The following PCDH15 variants were observed in gnomAD, a reference collection of about 807,000 sequenced individuals.
PCDH15 encodes the protein protocadherin-15.
In PCDH15, 129 loss-of-function variants were observed where a neutral mutation model predicts 178.5. The ratio of observed to expected loss-of-function variants is 0.72; its 90% CI spans 0.63 to 0.84. The LOEUF (loss-of-function observed/expected upper bound fraction) is 0.84. PCDH15 is among the 40% of genes least tolerant of loss of function. The pLI is 0.00. For synonymous variants in PCDH15, 800 were observed against 732.0 expected (o/e 1.09, Z -1.50); for missense variants, 2,230 against 2,099.9 (o/e 1.06, Z -1.21).
At chr10:54,979,030 T>C (rs1222377790) in intron 2 of PCDH15, among the ~76,000 whole-genome samples, 1 of 152,184 alleles carries the variant, frequency 6.6e-6, no homozygotes, top group African/African-American at 2.4e-5. Flanking sequence ...AATCTTGTGA[T>C]GTAAATATTA....
At chr10:53,820,325 T>C (rs1159082011) in intron 32 of PCDH15, 95 bp from the exon 33 acceptor site, 1 of 394,678 alleles carries the variant, frequency 2.5e-6, no homozygotes, top group Admixed American at 4.4e-5. Flanking sequence ...TTGAAGCAGA[T>C]GGGCTAATAA....
At chr10:54,764,990 C>A (rs2133192376) in intron 1 of PCDH15, among the ~76,000 whole-genome samples, 1 of 152,068 alleles carries the variant, frequency 6.6e-6, no homozygotes, top group East Asian at 1.9e-4. Flanking sequence ...AGAAAATAAG[C>A]ATAAACTCAA....
At chr10:54,045,375 A>C (rs2135554982) in intron 18 of PCDH15, among the ~76,000 whole-genome samples, 1 of 152,252 alleles carries the variant, frequency 6.6e-6, no homozygotes, top group Non-Finnish European at 1.5e-5. Context: ...GTCAGTAGAA[A>C]TTATTGGCTC....
intron 2 of PCDH15, among the ~76,000 whole-genome samples, chr10:55,069,275 A>G (rs1484835465): frequency 7.9e-6 from 1 of 127,218 alleles, no homozygotes; most frequent in Non-Finnish European, 1.8e-5. Flanking sequence ...TCATGTTTAA[A>G]ATAACAATTT....
intron 2 of PCDH15, chr10:54,655,809 C>G (rs1327695607): frequency 6.6e-6 from 1 of 152,048 alleles, no homozygotes; most frequent in Non-Finnish European, 1.5e-5. Flanking sequence ...AACATGAAGA[C>G]AAGAAATGCT....
chr10:55,580,062 G>A (rs945868588), intron 2 of PCDH15, among the ~76,000 whole-genome samples: 1 of 152,078 alleles, frequency 6.6e-6, no homozygotes, highest in Non-Finnish European at 1.5e-5. Flanking sequence ...TCAGCATGTA[G>A]GCCAAGCTGG....
chr10:54,459,635 A>G (rs2077048061), intron 3 of PCDH15, among the ~76,000 whole-genome samples: 1 of 152,156 alleles, frequency 6.6e-6, no homozygotes, highest in African/African-American at 2.4e-5. Context: ...CAGGTGAGAG[A>G]CAGGATAGAA....
chr10:54,098,257 C>T (rs7919586), intron 15 of PCDH15, among the ~76,000 whole-genome samples: 2,391 of 149,960 alleles, frequency 0.016, 66 homozygotes, highest in African/African-American at 0.054. Context: ...TTCAGAATAC[C>T]TGTCCTAGGT....
intron 1 of PCDH15, among the ~76,000 whole-genome samples, chr10:54,785,765 G>A (rs572122262): frequency 7.2e-5 from 11 of 152,020 alleles, no homozygotes; most frequent in Admixed American, 1.3e-4. Context: ...AAGATTTACC[G>A]TCATCTGTTT....
intron 2 of PCDH15, among the ~76,000 whole-genome samples, chr10:54,636,842 C>G (rs1017598579): frequency 6.6e-5 from 10 of 151,694 alleles, no homozygotes; most frequent in Admixed American, 5.3e-4. Context: ...TACCATTGCC[C>G]TATTATTTTC....
intron 1 of PCDH15, among the ~76,000 whole-genome samples, chr10:55,208,042 A>G (rs1804951936): frequency 6.6e-6 from 1 of 152,156 alleles, no homozygotes; most frequent in South Asian, 2.1e-4. Context: ...TATTGTAATG[A>G]ATGAATAAAA....
At chr10:54,837,042 G>GT (rs1209490671) in intron 3 of PCDH15, among the ~76,000 whole-genome samples, 2 of 151,970 alleles carry the variant, frequency 1.3e-5, no homozygotes, top group African/African-American at 4.8e-5. Flanking sequence ...TTTTAGAAAT[G>GT]TTAGATATAA....
chr10:55,421,294 AT>A (rs1375104828), intron 2 of PCDH15, among the ~76,000 whole-genome samples: 5 of 151,362 alleles, frequency 3.3e-5, no homozygotes, highest in African/African-American at 9.7e-5. Flanking sequence ...TCAATTTAAA[AT>A]TGGATATCTA....
chr10:54,004,870 A>G (rs1355843971), intron 20 of PCDH15, among the ~76,000 whole-genome samples: 2 of 151,938 alleles, frequency 1.3e-5, no homozygotes, highest in Non-Finnish European at 2.9e-5. Flanking sequence ...AAGGAAAAAA[A>G]AAAACACCTG....
At chr10:54,684,312 C>A (rs2094955193) in intron 1 of PCDH15, among the ~76,000 whole-genome samples, 1 of 151,520 alleles carries the variant, frequency 6.6e-6, no homozygotes, top group African/African-American at 2.4e-5. Flanking sequence ...AGAATATTTG[C>A]TATGTACCTA....
intron 1 of PCDH15, among the ~76,000 whole-genome samples, chr10:55,204,636 G>A (rs1409963702): frequency 1.3e-5 from 2 of 151,996 alleles, no homozygotes; most frequent in African/African-American, 4.8e-5. Context: ...GCAAAGGCTG[G>A]AGAGATCTTA....
chr10:54,775,521 AT>A (rs958560428), intron 1 of PCDH15, among the ~76,000 whole-genome samples: 1 of 152,212 alleles, frequency 6.6e-6, no homozygotes, highest in African/African-American at 2.4e-5. Flanking sequence ...AAAAATAGAT[AT>A]TATTGTTAAC....
intron 3 of PCDH15, among the ~76,000 whole-genome samples, chr10:54,810,916 A>G (rs1488407623): frequency 1.3e-5 from 2 of 152,114 alleles, no homozygotes; most frequent in Non-Finnish European, 2.9e-5. Context: ...ACATAATGGT[A>G]ATATAAAAAT....
intron 16 of PCDH15, among the ~76,000 whole-genome samples, chr10:54,081,521 C>G (rs2094436917): frequency 6.6e-6 from 1 of 151,890 alleles, no homozygotes; most frequent in Non-Finnish European, 1.5e-5. Context: ...GTGTTGTAGG[C>G]AGTTGTGTGG....
Sources: allele counts gnomAD v4.1 joint callset (sites outside exome capture counted in the v4.1 genomes callset), GRCh38; gene constraint gnomAD v4.1.1; transcripts MANE v1.5; gene names NCBI Gene and HGNC (gene_info 2026-07-23, HGNC 2026-07-21).